KDM4C: variants seen among roughly 807,000 people sequenced by gnomAD.
The protein encoded by KDM4C is lysine-specific demethylase 4C.
In KDM4C, 81 loss-of-function variants were observed where a neutral mutation model predicts 129.3. That is an observed-to-expected ratio of 0.63 (90% CI 0.52 to 0.75). The LOEUF is 0.75. KDM4C is among the 30% of genes least tolerant of loss of function. The pLI is 0.00. For synonymous variants in KDM4C, 573 were observed against 456.1 expected (o/e 1.26, Z -3.26); for missense variants, 1,457 against 1,304.0 (o/e 1.12, Z -1.81).
chr9:7,039,656 A>T (rs1587149302), intron 15 of KDM4C, among the ~76,000 whole-genome samples: 1 of 152,176 alleles, frequency 6.6e-6, no homozygotes, highest in South Asian at 2.1e-4. Flanking sequence ...TATATTTATT[A>T]TATGCTGTAT....
chr9:6,902,262 T>G lies in KDM4C; in HGVS notation c.921+9030T>G, dbSNP rs1817540373. On this transcript the variant is annotated intron_variant, in intron 8 of 21. Transcript: ENST00000381309. ...ACATATAGAATTGTGCCCACATATTTCATGATCAAGTAAACATGCCCAGTA... is the reference window on the plus strand; with the variant it reads ...ACATATAGAATTGTGCCCACATATTGCATGATCAAGTAAACATGCCCAGTA... Among the ~76,000 whole-genome samples the G allele has an allele frequency of 2.6e-5, 4 of 152,198 alleles. No homozygotes were observed. The South Asian group carries it at 8.3e-4, about 32-fold the overall frequency.
chr9:6,748,364 A>C (rs777922390), intron 1 of KDM4C, among the ~76,000 whole-genome samples: 1 of 151,650 alleles, frequency 6.6e-6, no homozygotes, highest in Non-Finnish European at 1.5e-5. Context: ...AAAATTAGCC[A>C]GGAGTGGTGG....
intron 9 of KDM4C, 43 bp from the exon 10 acceptor site, chr9:6,984,123 A>G (rs1817255740): frequency 1.6e-6 from 2 of 1,272,110 alleles, no homozygotes; most frequent in Middle Eastern, 1.9e-4. Context: ...TTTCATATCC[A>G]TTGCAGACAT....
chr9:6,793,835 G>T (rs377724352), intron 2 of KDM4C, among the ~76,000 whole-genome samples: 36 of 151,934 alleles, frequency 2.4e-4, no homozygotes, highest in African/African-American at 7.3e-4. Flanking sequence ...GAGCCACTGT[G>T]CCCGGCCTCT....
At chr9:7,120,851 A>G (rs10976047) in intron 18 of KDM4C, among the ~76,000 whole-genome samples, 73,338 of 151,924 alleles carry the variant, frequency 0.48, 18,289 homozygotes, top group East Asian at 0.75. Context: ...GCTGTTTTTC[A>G]TTTTTGTTTT....
In KDM4C at chr9:6,989,841, C is replaced by A. The variant is rs566356714; in HGVS notation, c.1678-575C>A. Among the ~76,000 whole-genome samples the A allele has an allele frequency of 2.0e-5, 3 of 152,288 alleles. No homozygotes were observed. The East Asian group carries it at 5.8e-4, about 29-fold the overall frequency. ...CCAGGCTGTTGTGCAGTGGCTTGAT[C>A]TTGGCTCATTGCAGCCTCCACCTCC... is the stretch of plus-strand genomic sequence containing the variant. On this transcript the variant is annotated intron_variant, in intron 11 of 21. Transcript: ENST00000381309.
chr9:6,925,537 C>T (rs1248093317), intron 8 of KDM4C: 2 of 933,630 alleles, frequency 2.1e-6, no homozygotes, highest in Middle Eastern at 5.5e-4. Flanking sequence ...ATCAAGCAGT[C>T]CTCCCACCTT....
At chr9:6,921,022 G>A (rs1266949789) in intron 8 of KDM4C, among the ~76,000 whole-genome samples, 2 of 151,524 alleles carry the variant, frequency 1.3e-5, no homozygotes, top group African/African-American at 2.4e-5. Context: ...TTTTTAAATC[G>A]GCTTTTCTCC....
At chr9:6,732,390 AAAAAAAAAAAAGAAT>A (rs1226235670) in intron 1 of KDM4C, among the ~76,000 whole-genome samples, 4,553 of 139,302 alleles carry the variant, frequency 0.033, 307 homozygotes, top group East Asian at 0.068. Context: ...AAAAAAAAAA[AAAAAAAAAAAAGAAT>A]GAGGCCGGAA....
At chr9:6,958,932 G>A (rs1829571416) in intron 8 of KDM4C, among the ~76,000 whole-genome samples, 1 of 152,102 alleles carries the variant, frequency 6.6e-6, no homozygotes, top group South Asian at 2.1e-4. Flanking sequence ...ACAGGCGTGA[G>A]CCACCATGCC....
chr9:7,004,039 C>T (rs1383426456), intron 12 of KDM4C, among the ~76,000 whole-genome samples: 1 of 152,100 alleles, frequency 6.6e-6, no homozygotes, highest in African/African-American at 2.4e-5. Flanking sequence ...TGGTGCTGTA[C>T]CAGCCAAAAC....
At chr9:6,969,634 C>G (rs702279) in intron 8 of KDM4C, among the ~76,000 whole-genome samples, 1 of 152,026 alleles carries the variant, frequency 6.6e-6, no homozygotes, top group African/African-American at 2.4e-5. Context: ...TGCTGACTAT[C>G]AAATCATTTT....
intron 17 of KDM4C, among the ~76,000 whole-genome samples, chr9:7,072,353 C>A (rs766499983): frequency 6.6e-6 from 1 of 151,972 alleles, no homozygotes; most frequent in African/African-American, 2.4e-5. Flanking sequence ...TCATAATCAC[C>A]CAAAAAATGG....
chr9:6,790,016 G>A (rs1458479743), intron 1 of KDM4C, among the ~76,000 whole-genome samples: 1 of 149,664 alleles, frequency 6.7e-6, no homozygotes, highest in African/African-American at 2.4e-5. Context: ...GCTCACGCCT[G>A]TAATCCCAGC....
chr9:6,893,512 G>A, intron 8 of KDM4C: 1 of 220,532 alleles, frequency 4.5e-6, no homozygotes, highest in East Asian at 1.1e-4. Context: ...CCTCCAGTTG[G>A]TGTTTTGCAA....
At chr9:6,922,845 C>T (rs544151747) in intron 8 of KDM4C, among the ~76,000 whole-genome samples, 6 of 152,212 alleles carry the variant, frequency 3.9e-5, no homozygotes, top group Non-Finnish European at 8.8e-5. Context: ...GAACTTCAGC[C>T]AGAAATTCAG....
chr9:7,102,603 C>T lies in KDM4C; in HGVS notation c.2425-1082C>T, dbSNP rs1352967028. 3.9e-5 allele frequency among the ~76,000 whole-genome samples: 6 copies of T among 151,916 alleles called. No individual in the cohort carries two copies. The East Asian group carries it at 5.8e-4, about 15-fold the overall frequency. ...GACAGAATCTAAAAGATTAAGTCACCGATCAGATGTGAGGACACGAAGAGT... is the reference window on the plus strand; with the variant it reads ...GACAGAATCTAAAAGATTAAGTCACTGATCAGATGTGAGGACACGAAGAGT... On this transcript the variant is annotated intron_variant, in intron 17 of 21. Coordinates refer to ENST00000381309, the MANE Select transcript of KDM4C (RefSeq NM_015061.6).
chr9:6,863,484 G>T (rs1015381978), intron 5 of KDM4C, among the ~76,000 whole-genome samples: 4 of 152,100 alleles, frequency 2.6e-5, no homozygotes, highest in Non-Finnish European at 4.4e-5. Context: ...AAGCCAGCAT[G>T]TACAGAGATC....
chr9:6,758,161 C>T lies in KDM4C; in HGVS notation c.-60C>T, dbSNP rs971343960. 3.0e-6 allele frequency: 3 copies of T among 985,764 alleles called. No homozygotes were observed. Among genetic ancestry groups the T allele is most frequent in the Non-Finnish European group, 2.4e-6 (2 of 830,314 alleles). 61.1% of individuals were successfully genotyped at this position (985,764 alleles called of 1,614,324 possible). A position where few individuals can be genotyped will look rare whatever the true frequency, so the allele number is the denominator to read the frequency against. ...GGGCCGGAGGCCACTGTCTTCTCTTCCTCCTCCACCGAGTCGTGCTCTCGC... is the reference window on the plus strand; with the variant it reads ...GGGCCGGAGGCCACTGTCTTCTCTTTCTCCTCCACCGAGTCGTGCTCTCGC... On this transcript the variant is annotated 5_prime_UTR_variant, in exon 1 of 22. Coordinates refer to ENST00000381309, the MANE Select transcript of KDM4C (RefSeq NM_015061.6). The surrounding 1 kb of genome is among the most constrained non-coding windows in gnomAD (Gnocchi z 4.6).
Sources: allele counts gnomAD v4.1 joint callset (sites outside exome capture counted in the v4.1 genomes callset), GRCh38; gene constraint gnomAD v4.1.1; non-coding constraint Gnocchi (gnomAD v3.1); transcripts MANE v1.5; gene names NCBI Gene and HGNC (gene_info 2026-07-23, HGNC 2026-07-21).